Variants in KIAA1755 observed in about 807,000 individuals in gnomAD.
The protein encoded by KIAA1755 is uncharacterized protein KIAA1755.
A neutral mutation model predicts 91.7 loss-of-function variants in KIAA1755; 68 were observed. The ratio of observed to expected loss-of-function variants is 0.74; its 90% confidence interval spans 0.61 to 0.91. The LOEUF (loss-of-function observed/expected upper bound fraction) is 0.91, where lower values mean the gene tolerates loss of function less well. Ranked by LOEUF, KIAA1755 falls within the 40% of genes least tolerant of loss-of-function variation. KIAA1755 has a pLI of 0.00. For synonymous variants in KIAA1755, 610 were observed against 604.6 expected (o/e 1.01, Z -0.13); for missense variants, 1,535 against 1,494.4 (o/e 1.03, Z -0.45).
Position 38,246,059 on chromosome 20 carries a change from G to A in KIAA1755, c.71C>T (p.Thr24Ile). 1 of 1,614,172 alleles carries A rather than the reference G, an allele frequency of 6.2e-7. No individual in the cohort carries two copies. Among genetic ancestry groups the A allele is most frequent in the African/African-American group, 1.3e-5 (1 of 75,062 alleles). The change falls in exon 2 of 14, where the codon ACA becomes ATA. Residue 24 changes from threonine (T) to isoleucine (I), a missense_variant. By Grantham distance (89) the Thr-to-Ile change is moderately conservative. Coordinates refer to ENST00000279024, the MANE Select transcript of KIAA1755 (RefSeq NM_001029864.2). ...CACCTGACCCAGGACGGTGGGTGCT[G>A]TGGCCTCGAAAGGAGGATAGAGGCC... The part of the protein sequence containing the change: ...LAGLYPPFEA[T>I]APTVLGQVFR...
rs1436951246 is a variant in KIAA1755, at chr20:38,218,311, T to C, written c.2612A>G (p.Lys871Arg). ...CTCCACTGTCTCCAAACTTCCATCC[T>C]TGGGGGTCAGTGATTGCAGGCACCG... ...GRRCLQSLTP[K>R]DGSLETVEKA... Residue 871 changes from lysine (K) to arginine (R), a missense_variant, in exon 12 of 14, where the codon AAG becomes AGG. Transcript: ENST00000279024. 5.6e-6 allele frequency: 9 copies of C among 1,614,236 alleles called. No homozygotes were observed. The highest frequency in any genetic ancestry group is 4.5e-5 in the East Asian group (2 of 44,882).
At chr20:38,230,189 T>C (rs1014186658) in intron 5 of KIAA1755, among the ~76,000 whole-genome samples, 3 of 152,164 alleles carry the variant, frequency 2.0e-5, no homozygotes, top group African/African-American at 7.2e-5. Context: ...GTAGGAGTGT[T>C]AGGAGGAGCA....
intron 1 of KIAA1755, chr20:38,260,237 G>C (rs1267708092): frequency 6.5e-7 from 1 of 1,528,814 alleles, no homozygotes; most frequent in Admixed American, 2.1e-5. Context: ...CTAGGGGTTG[G>C]GGAATATTAA....
chr20:38,236,141 G>GT (rs2075956710), intron 4 of KIAA1755, among the ~76,000 whole-genome samples: 1 of 152,204 alleles, frequency 6.6e-6, no homozygotes, highest in Admixed American at 6.5e-5. Flanking sequence ...AATGTGGGAT[G>GT]TAAGAGAAAG....
intron 10 of KIAA1755, among the ~76,000 whole-genome samples, chr20:38,220,605 C>T (rs4811601): frequency 0.39 from 59,877 of 152,086 alleles, 12,481 homozygotes; most frequent in East Asian, 0.52. Flanking sequence ...TAAGCCACCA[C>T]GCCCGGCTGA....
chr20:38,229,054 G>T (rs1226702089), intron 5 of KIAA1755, among the ~76,000 whole-genome samples: 2 of 152,158 alleles, frequency 1.3e-5, no homozygotes, highest in African/African-American at 4.8e-5. Context: ...AGGGTGGCCA[G>T]GGAATCTGTG....
chr20:38,228,362 T>G (rs539636050), intron 5 of KIAA1755, 122 bp from the exon 6 acceptor site: 1 of 662,092 alleles, frequency 1.5e-6, no homozygotes, highest in Non-Finnish European at 2.3e-6. Context: ...CTCTTCATCC[T>G]GTTAAGACCA....
At position 38,213,011 on chromosome 20, in the gene KIAA1755, G is replaced by A; in HGVS notation, c.*31C>T. On this transcript the variant is annotated 3_prime_UTR_variant, in exon 14 of 14. Coordinates refer to ENST00000279024, the MANE Select transcript of KIAA1755 (RefSeq NM_001029864.2). The stretch of plus-strand genomic sequence containing the variant: ...AGCTGGGCCCTGGCCCAGTGCTCCT[G>A]GAGGCTGGTGCGACTGAAGGGGCCT... 6.6e-7 allele frequency: 1 copy of A among 1,506,210 alleles called. No homozygotes were observed. Among genetic ancestry groups the A allele is most frequent in the Non-Finnish European group, 8.9e-7 (1 of 1,123,464 alleles). 93.3% of individuals were successfully genotyped at this position (1,506,210 alleles called of 1,614,324 possible).
In KIAA1755 at chr20:38,227,153, C is replaced by T. The variant is rs780193997; in HGVS notation, c.2052+1G>A. 11 of 1,612,718 alleles carry T rather than the reference C, an allele frequency of 6.8e-6. No individual in the cohort carries two copies. The highest frequency in any genetic ancestry group is 1.6e-4 in the Middle Eastern group (1 of 6,072). ...AACCGCCGACCCTGAGTCCCCCTCA[C>T]CTGGACGTCAGGTAATGTCTGCAGC... On this transcript the variant is annotated splice_donor_variant, in intron 7 of 13. Coordinates refer to ENST00000279024, the MANE Select transcript of KIAA1755 (RefSeq NM_001029864.2). LOFTEE classifies it high-confidence loss of function.
At chr20:38,253,297 G>A (rs1360898079) in intron 1 of KIAA1755, among the ~76,000 whole-genome samples, 3 of 152,170 alleles carry the variant, frequency 2.0e-5, no homozygotes, top group South Asian at 2.1e-4. Context: ...TGCTCACAGC[G>A]GTTATAACCT....
In KIAA1755 at chr20:38,228,424, C is replaced by T. The variant is rs1037642725; in HGVS notation, c.1872-184G>A. Among the ~76,000 whole-genome samples the T allele has an allele frequency of 4.6e-5, 7 of 152,188 alleles. No individual in the cohort carries two copies. The East Asian group carries it at 1.3e-3, about 29-fold the overall frequency. On this transcript the variant is annotated intron_variant, in intron 5 of 13. Transcript: ENST00000279024. The stretch of plus-strand genomic sequence containing the variant: ...CTCCGTGGTTCTTCTCCAGGCAGAG[C>T]CTTTTGCTTCCTCTTTGGTGCTCCT...
chr20:38,229,116 G>GC (rs1316065251), intron 5 of KIAA1755, among the ~76,000 whole-genome samples: 2 of 152,188 alleles, frequency 1.3e-5, no homozygotes, highest in Non-Finnish European at 2.9e-5. Flanking sequence ...TTGAAAAATA[G>GC]CCCCCAACTG....
At chr20:38,244,682 C>T (rs1307640534) in intron 2 of KIAA1755, among the ~76,000 whole-genome samples, 2 of 151,886 alleles carry the variant, frequency 1.3e-5, no homozygotes, top group African/African-American at 4.8e-5. Context: ...TCTCCTCAGG[C>T]TTCTCTCATC....
intron 4 of KIAA1755, 90 bp from the exon 5 acceptor site, chr20:38,231,415 C>G: frequency 7.2e-7 from 1 of 1,384,902 alleles, no homozygotes; most frequent in East Asian, 2.5e-5. Flanking sequence ...TTGGCCGTAA[C>G]GGTTCCTTTG....
chr20:38,219,725 C>T lies in KIAA1755; in HGVS notation c.2461G>A (p.Glu821Lys), dbSNP rs781316972. 10 of 1,614,182 alleles carry T rather than the reference C, an allele frequency of 6.2e-6. No individual in the cohort carries two copies. In the Admixed American group the frequency reaches 8.3e-5, roughly 13 times the overall value. The change falls in exon 11 of 14, where the codon GAG (glutamate) becomes AAG (lysine). Residue 821 changes from glutamate (E) to lysine (K), a missense_variant. Glu to Lys is a moderately conservative substitution (Grantham distance 56). Transcript: ENST00000279024. ...AATALYSLVD[E>K]QLHVLVTASN... is the part of the protein sequence containing the mutation. ...GCGGTGACCAGAACATGAAGCTGCT[C>T]GTCCACAAGGCTGTACAAGGCAGTG... is the stretch of plus-strand genomic sequence containing the variant.
rs1458614890 is a variant in KIAA1755 at position 38,213,165 on chromosome 20, C to T, written c.3480G>A (p.Arg1160=). ...CCTGGCTCTGCCTGGGGGGCTGCTG[C>T]CGGAAGAAGGTGGTGGCAAGCAAAT... is the stretch of plus-strand genomic sequence containing the variant. ...REHLLATTFF[R]QQPPRQSQVP... The change falls in exon 14 of 14, where the codon CGG becomes CGA. Residue 1160 remains arginine (R), a synonymous_variant. Transcript: ENST00000279024. 3 of 1,613,676 alleles carry T rather than the reference C, an allele frequency of 1.9e-6. No individual in the cohort carries two copies.
At position 38,213,393 on chromosome 20, in the gene KIAA1755, G is replaced by C. The variant is rs995847910; in HGVS notation, c.3252C>G (p.Val1084=). 1 of 1,601,396 alleles carries C rather than the reference G, an allele frequency of 6.2e-7. No individual in the cohort carries two copies. Among genetic ancestry groups the C allele is most frequent in the African/African-American group, 1.3e-5 (1 of 74,700 alleles). The part of the protein sequence containing the change: ...AAKGQGVSVE[V]TSKGRWDQPP... ...GCTGATCCCACCTCCCCTTGGAAGT[G>C]ACCTCTACACTCACACCCTGGCCCT... Residue 1084 remains valine, a synonymous_variant, in exon 14 of 14, where the codon GTC becomes GTG. Transcript: ENST00000279024.
chr20:38,220,645 C>T (rs533624722), intron 10 of KIAA1755, among the ~76,000 whole-genome samples: 5 of 152,294 alleles, frequency 3.3e-5, no homozygotes, highest in Non-Finnish European at 5.9e-5. Context: ...GCACCTCAGG[C>T]GGTTCCAGGG....
intron 1 of KIAA1755, among the ~76,000 whole-genome samples, chr20:38,258,627 G>A (rs931496238): frequency 5.3e-5 from 8 of 152,126 alleles, no homozygotes; most frequent in African/African-American, 1.9e-4. Flanking sequence ...AGATTTACCG[G>A]GTAAATAAGA....
Sources: allele counts gnomAD v4.1 joint callset (sites outside exome capture counted in the v4.1 genomes callset), GRCh38; gene constraint gnomAD v4.1.1; transcripts MANE v1.5; gene names NCBI Gene and HGNC (gene_info 2026-07-23, HGNC 2026-07-21).